The following HECW1 variants were observed in gnomAD, a reference collection of about 807,000 sequenced individuals.
The protein encoded by HECW1 is HECT, C2 and WW domain containing E3 ubiquitin protein ligase 1.
HECW1 carries 61 observed loss-of-function variants against 182.3 expected under a neutral mutation model. That is an observed-to-expected ratio of 0.33 (90% CI 0.27 to 0.41). The LOEUF (loss-of-function observed/expected upper bound fraction) is 0.41, where lower values mean the gene tolerates loss of function less well. Ranked by LOEUF, HECW1 falls within the 10% of genes least tolerant of loss-of-function variation. The pLI is 1.00. For synonymous variants in HECW1, 859 were observed against 832.6 expected, an observed-to-expected ratio of 1.03 and a Z score of -0.55; for missense variants, 1,739 against 2,108.9, an observed-to-expected ratio of 0.82 and a Z score of 3.44.
At position 43,265,372 on chromosome 7, in the gene HECW1, T is replaced by C. The variant is rs538136110; in HGVS notation, c.27+21440T>C. Reference sequence around the variant, plus strand: ...CCTAACCACAGCGGGCCAGGAAGTGTCATCCTGCCTTGTGCTGGGTAGCTG... The same window carrying C: ...CCTAACCACAGCGGGCCAGGAAGTGCCATCCTGCCTTGTGCTGGGTAGCTG... On this transcript the variant is annotated intron_variant, in intron 3 of 29. Coordinates refer to ENST00000395891, the MANE Select transcript of HECW1 (RefSeq NM_015052.5). Among the ~76,000 whole-genome samples, 12 of 152,284 alleles carry C rather than the reference T, an allele frequency of 7.9e-5. No homozygotes were observed. In the South Asian group the frequency reaches 1.5e-3, roughly 18 times the overall value.
chr7:43,135,339 C>T (rs1198155368), intron 2 of HECW1, among the ~76,000 whole-genome samples: 3 of 152,122 alleles, frequency 2.0e-5, no homozygotes, highest in Non-Finnish European at 4.4e-5. Context: ...CTTACTCTTC[C>T]TCTGTTAGAT....
In HECW1 at chr7:43,280,517, T is replaced by C. The variant is rs77109663; in HGVS notation, c.28-31246T>C. Reference sequence around the variant, plus strand: ...ACGTAAGACAAGTTTTGCCAGCTTGTCTTTTATTTGATGAATTGTAGTTCC... The same window carrying C: ...ACGTAAGACAAGTTTTGCCAGCTTGCCTTTTATTTGATGAATTGTAGTTCC... On this transcript the variant is annotated intron_variant, in intron 3 of 29. Coordinates refer to ENST00000395891, the MANE Select transcript of HECW1 (RefSeq NM_015052.5). Among the ~76,000 whole-genome samples the C allele has an allele frequency of 9.6e-3, 1,460 of 152,322 alleles. 30 individuals carry two copies. Among genetic ancestry groups the C allele is most frequent in the African/African-American group, 0.033 (1,376 of 41,570 alleles).
intron 24 of HECW1, among the ~76,000 whole-genome samples, chr7:43,514,012 C>T (rs2080008952): frequency 6.6e-6 from 1 of 152,190 alleles, no homozygotes; most frequent in African/African-American, 2.4e-5. Flanking sequence ...TTCTTCCACC[C>T]TCCAGTCCCA....
chr7:43,189,014 G>T (rs1793656434), intron 2 of HECW1, among the ~76,000 whole-genome samples: 1 of 152,192 alleles, frequency 6.6e-6, no homozygotes, highest in African/African-American at 2.4e-5. Context: ...TGCCCACAGG[G>T]TGAGGCGCAC....
At chr7:43,409,810 C>A (rs561412003) in intron 8 of HECW1, among the ~76,000 whole-genome samples, 14 of 152,204 alleles carry the variant, frequency 9.2e-5, no homozygotes, top group Non-Finnish European at 1.5e-4. Flanking sequence ...TCCATTCAAC[C>A]CCTAAATTGT....
At chr7:43,524,920 G>A (rs571527407) in intron 24 of HECW1, among the ~76,000 whole-genome samples, 90 of 152,290 alleles carry the variant, frequency 5.9e-4, no homozygotes, top group Middle Eastern at 3.4e-3. Flanking sequence ...AATTTCCCTG[G>A]TATATCAGGA....
chr7:43,117,267 A>G (rs959736053), intron 2 of HECW1, among the ~76,000 whole-genome samples: 14 of 152,096 alleles, frequency 9.2e-5, no homozygotes, highest in African/African-American at 3.1e-4. Flanking sequence ...AATAACTCTT[A>G]TGGTCAAAGT....
chr7:43,511,327 G>A (rs1403170316), intron 24 of HECW1: 3 of 152,202 alleles, frequency 2.0e-5, no homozygotes, highest in African/African-American at 4.8e-5. Context: ...CTGAGCCCAC[G>A]GTGATGAGAT....
intron 15 of HECW1, 76 bp from the exon 16 acceptor site, chr7:43,468,844 G>C: frequency 7.9e-7 from 1 of 1,272,442 alleles, no homozygotes; most frequent in East Asian, 2.3e-5. Flanking sequence ...AGCAGTGTTA[G>C]GGTGCTCATA....
chr7:43,387,628 C>T (rs992729793), intron 6 of HECW1, among the ~76,000 whole-genome samples: 3 of 152,166 alleles, frequency 2.0e-5, no homozygotes, highest in Admixed American at 2.0e-4. Flanking sequence ...AGGTGTTAGA[C>T]ACAGACCAAT....
chr7:43,535,350 C>T (rs779685144), intron 24 of HECW1, among the ~76,000 whole-genome samples: 3 of 152,194 alleles, frequency 2.0e-5, no homozygotes, highest in Admixed American at 6.5e-5. Flanking sequence ...AACATTAGCT[C>T]CCTTCAGATC....
chr7:43,356,402 AT>A (rs555401166), intron 5 of HECW1, among the ~76,000 whole-genome samples: 7 of 152,290 alleles, frequency 4.6e-5, no homozygotes, highest in Middle Eastern at 3.4e-3. Flanking sequence ...GCTCCCAAAT[AT>A]GTAAAGCAAA....
At chr7:43,532,660 C>G (rs2081037881) in intron 24 of HECW1, among the ~76,000 whole-genome samples, 1 of 152,160 alleles carries the variant, frequency 6.6e-6, no homozygotes, top group Non-Finnish European at 1.5e-5. Flanking sequence ...TGCTCATTCT[C>G]CAGGAGCTCA....
chr7:43,419,089 A>G (rs147051363), intron 8 of HECW1, among the ~76,000 whole-genome samples: 8 of 152,266 alleles, frequency 5.3e-5, no homozygotes, highest in East Asian at 3.9e-4. Context: ...CTGAGCTTCT[A>G]TACATCGTTT....
At chr7:43,394,480 G>A (rs2075158149) in intron 6 of HECW1, among the ~76,000 whole-genome samples, 1 of 152,198 alleles carries the variant, frequency 6.6e-6, no homozygotes. Context: ...TTTGGGTGAT[G>A]TTAACTGGGA....
chr7:43,282,855 C>T (rs963915326), intron 3 of HECW1, among the ~76,000 whole-genome samples: 23 of 152,080 alleles, frequency 1.5e-4, no homozygotes, highest in Admixed American at 7.2e-4. Context: ...CGGTGGCTCA[C>T]GACTGTAATA....
At chr7:43,412,357 A>G (rs2075829211) in intron 8 of HECW1, among the ~76,000 whole-genome samples, 1 of 151,990 alleles carries the variant, frequency 6.6e-6, no homozygotes, top group African/African-American at 2.4e-5. Flanking sequence ...TATTTTAAAG[A>G]AACTAGGAAA....
At chr7:43,531,044 T>G (rs772676180) in intron 24 of HECW1, among the ~76,000 whole-genome samples, 1 of 152,222 alleles carries the variant, frequency 6.6e-6, no homozygotes, top group Non-Finnish European at 1.5e-5. Context: ...CAACCTTATC[T>G]CACATCTTGT....
chr7:43,453,197 A>G (rs2077291014), intron 12 of HECW1, among the ~76,000 whole-genome samples: 2 of 152,170 alleles, frequency 1.3e-5, no homozygotes, highest in South Asian at 4.1e-4. Flanking sequence ...GGATAGAAGC[A>G]TGAGATTCAA....
Sources: gnomAD v4.1 joint callset for allele counts (sites outside exome capture counted in the v4.1 genomes callset) on GRCh38, gnomAD v4.1.1 for gene constraint, MANE v1.5 for transcripts, NCBI Gene and HGNC (gene_info 2026-07-23, HGNC 2026-07-21) for gene names.